Variants in MACROH2A1 observed in about 807,000 individuals in gnomAD.
The protein encoded by MACROH2A1 is core histone macro-H2A.1.
In MACROH2A1, 2 loss-of-function variants were observed where a neutral mutation model predicts 31.6. The ratio of observed to expected loss-of-function variants is 0.06; its 90% CI spans 0.03 to 0.20. The LOEUF is 0.20. Ranked by LOEUF, MACROH2A1 falls within the 10% of genes least tolerant of loss-of-function variation. MACROH2A1 has a pLI of 1.00. For synonymous variants in MACROH2A1, 169 were observed against 189.6 expected, an observed-to-expected ratio of 0.89 and a Z score of 0.89; for missense variants, 230 against 474.0, an observed-to-expected ratio of 0.49 and a Z score of 4.78.
rs544129214 is a variant in MACROH2A1, at chr5:135,370,714, G to A, written c.173-572C>T. Among the ~76,000 whole-genome samples, 4 of 152,306 alleles carry A rather than the reference G, an allele frequency of 2.6e-5. No homozygotes were observed. The South Asian group carries it at 8.3e-4, about 32-fold the overall frequency. ...ATTTTTTAAAGTGTGTGTGTGTGGG[G>A]GGAGGTTGTTGTAGATTCAAAAGGT... On this transcript the variant is annotated intron_variant, in intron 2 of 8. Coordinates refer to ENST00000511689, the MANE Select transcript of MACROH2A1 (RefSeq NM_138610.3).
In MACROH2A1 at chr5:135,341,308, C is replaced by G. The variant is rs114839662; in HGVS notation, c.953+1952G>C. Among the ~76,000 whole-genome samples the G allele has an allele frequency of 2.6e-3, 389 of 152,220 alleles. 1 individual carries two copies. The highest frequency in any genetic ancestry group is 8.9e-3 in the African/African-American group (371 of 41,502). ...AGCTGAGGGGCCTCACTCACAGAAC[C>G]CCAGGACCAGACAGCCCAGAGATGT... On this transcript the variant is annotated intron_variant, in intron 8 of 8. Coordinates refer to ENST00000511689, the MANE Select transcript of MACROH2A1 (RefSeq NM_138610.3).
chr5:135,367,102 C>T (rs1325179163), intron 4 of MACROH2A1, among the ~76,000 whole-genome samples: 1 of 152,238 alleles, frequency 6.6e-6, no homozygotes, highest in Non-Finnish European at 1.5e-5. Context: ...ACTCTCACTA[C>T]AAGTGCTTTA....
intron 4 of MACROH2A1, among the ~76,000 whole-genome samples, chr5:135,368,943 C>G (rs1763848809): frequency 6.6e-6 from 1 of 152,218 alleles, no homozygotes; most frequent in African/African-American, 2.4e-5. Flanking sequence ...GGCAACCATT[C>G]TGGAGTGAAC....
intron 2 of MACROH2A1, among the ~76,000 whole-genome samples, chr5:135,385,122 C>T (rs1766212824): frequency 6.6e-6 from 1 of 152,230 alleles, no homozygotes; most frequent in South Asian, 2.1e-4. Flanking sequence ...TCAAATGGGC[C>T]TCCATGTGGC....
At chr5:135,358,150 T>C in intron 5 of MACROH2A1, 6 of 985,260 alleles carry the variant, frequency 6.1e-6, no homozygotes, top group Non-Finnish European at 7.2e-6. Flanking sequence ...TTTGCCTTTT[T>C]TACACTATAT....
intron 2 of MACROH2A1, among the ~76,000 whole-genome samples, chr5:135,379,630 AAAGC>A (rs1454513594): frequency 6.6e-6 from 1 of 152,130 alleles, no homozygotes; most frequent in Non-Finnish European, 1.5e-5. Flanking sequence ...CAGGCAGGAG[AAAGC>A]AAGCAGAAAC....
chr5:135,389,800 G>GTC (rs1766954986), intron 1 of MACROH2A1, among the ~76,000 whole-genome samples: 1 of 152,204 alleles, frequency 6.6e-6, no homozygotes, highest in Non-Finnish European at 1.5e-5. Context: ...TCCACCTCCA[G>GTC]TGATGGGATC....
intron 2 of MACROH2A1, among the ~76,000 whole-genome samples, chr5:135,383,695 GGTGTGGT>G (rs1482394944): frequency 1.8e-4 from 26 of 146,288 alleles, no homozygotes; most frequent in African/African-American, 4.8e-4. Flanking sequence ...TGTGTGATGT[GGTGTGGT>G]GTGTGTGTGT....
At chr5:135,385,778 A>G (rs1238564472) in intron 2 of MACROH2A1, among the ~76,000 whole-genome samples, 1 of 152,188 alleles carries the variant, frequency 6.6e-6, no homozygotes, top group Non-Finnish European at 1.5e-5. Flanking sequence ...CAAGCCCCCA[A>G]GCAGCCTGGG....
rs1338853520 is a variant in MACROH2A1, at chr5:135,369,442, T to A, written c.441A>T (p.Lys147Asn). ...GGGCCCCTTTCTTGCCTCCTGCTTT[T>A]TTAGATACAGGCTTCTTCTGGGATG... ...KSPSQKKPVS[K>N]KAGGKKGARK... The change falls in exon 4 of 9, where the codon AAA becomes AAT. Residue 147 changes from lysine (K) to asparagine (N), a missense_variant. This residue lies in a region of MACROH2A1 where 183 missense variants were observed against 319.3 expected (regional missense o/e 0.57). Transcript: ENST00000511689. The surrounding 1 kb of genome is among the most constrained non-coding windows in gnomAD (Gnocchi z 4.3). The A allele has an allele frequency of 6.2e-7, 1 of 1,614,234 alleles. No individual in the cohort carries two copies.
At chr5:135,394,044 G>A (rs1767618431) in intron 1 of MACROH2A1, among the ~76,000 whole-genome samples, 1 of 152,160 alleles carries the variant, frequency 6.6e-6, no homozygotes, top group African/African-American at 2.4e-5. Flanking sequence ...GGCTGGCTAT[G>A]TAGACCCCAT....
intron 2 of MACROH2A1, among the ~76,000 whole-genome samples, chr5:135,376,174 G>C (rs573562206): frequency 6.6e-6 from 1 of 152,262 alleles, no homozygotes; most frequent in East Asian, 1.9e-4. Flanking sequence ...ATTGAAAGTA[G>C]TATTCCAAAG....
intron 5 of MACROH2A1, chr5:135,355,534 A>G (rs934614488): frequency 3.9e-5 from 10 of 255,228 alleles, no homozygotes; most frequent in African/African-American, 2.2e-4. Flanking sequence ...ATGTGTACAA[A>G]TATGTATTTT....
chr5:135,336,689 G>C (rs978216835), intron 8 of MACROH2A1, among the ~76,000 whole-genome samples: 2 of 152,220 alleles, frequency 1.3e-5, no homozygotes, highest in Non-Finnish European at 2.9e-5. Flanking sequence ...TATAGTGAAA[G>C]AAAAGGGCTC....
At chr5:135,352,847 C>T (rs1761743012) in intron 6 of MACROH2A1, 99 bp downstream of exon 6, 3 of 744,652 alleles carry the variant, frequency 4.0e-6, no homozygotes, top group Admixed American at 3.8e-5. Flanking sequence ...GGAAATTTGG[C>T]TTGACCACTG....
chr5:135,390,475 C>A (rs186930271), intron 1 of MACROH2A1, among the ~76,000 whole-genome samples: 10 of 152,328 alleles, frequency 6.6e-5, no homozygotes, highest in Non-Finnish European at 1.5e-4. Context: ...CAATAAATAA[C>A]CCCCTAGTCA....
rs1181700674 is a variant in MACROH2A1, at chr5:135,335,141, C to T, written c.954G>A (p.Arg318=). The part of the protein sequence containing the change: ...SIAFPSIGSG[R]NGFPKQTAAQ... Reference sequence around the variant, plus strand: ...CTGCTGTCTGCTTTGGAAAACCGTTCCTGGAGAAGAGAAGATAAGCACTCA... The same window carrying T: ...CTGCTGTCTGCTTTGGAAAACCGTTTCTGGAGAAGAGAAGATAAGCACTCA... The change falls in exon 9 of 9, where the codon AGG becomes AGA. Residue 318 remains arginine (R), a splice_region_variant and synonymous_variant. Coordinates refer to ENST00000511689, the MANE Select transcript of MACROH2A1 (RefSeq NM_138610.3). 3.1e-6 allele frequency: 5 copies of T among 1,613,490 alleles called. No homozygotes were observed. The highest frequency in any genetic ancestry group is 4.2e-6 in the Non-Finnish European group (5 of 1,179,578).
chr5:135,390,266 G>T (rs1479206434), intron 1 of MACROH2A1, among the ~76,000 whole-genome samples: 2 of 152,156 alleles, frequency 1.3e-5, no homozygotes, highest in African/African-American at 4.8e-5. Context: ...CCCATGTGCT[G>T]CACACCACAG....
chr5:135,390,913 G>A (rs920939193), intron 1 of MACROH2A1, among the ~76,000 whole-genome samples: 2 of 152,212 alleles, frequency 1.3e-5, no homozygotes, highest in African/African-American at 2.4e-5. Flanking sequence ...CCCAACAGAG[G>A]TAAGATGGCA....
Sources: gnomAD v4.1 joint callset for allele counts (sites outside exome capture counted in the v4.1 genomes callset) on GRCh38, gnomAD v4.1.1 for gene constraint, gnomAD v4.1.1 regional missense constraint, Gnocchi (gnomAD v3.1) non-coding constraint, MANE v1.5 for transcripts, NCBI Gene and HGNC (gene_info 2026-07-23, HGNC 2026-07-21) for gene names.